Variants in CES1 observed in about 807,000 individuals in gnomAD.
The protein encoded by CES1 is carboxylesterase 1, also known as liver carboxylesterase 1.
CES1 carries 50 observed loss-of-function variants against 53.0 expected under a neutral mutation model. That is an observed-to-expected ratio of 0.94 (90% CI 0.75 to 1.19). The LOEUF is 1.19. Ranked by LOEUF, CES1 falls within the 50% of genes most tolerant of loss-of-function variation. The pLI is 0.00. For missense variants in CES1, 534 were observed against 538.0 expected, an observed-to-expected ratio of 0.99 and a Z score of 0.07; for synonymous variants, 202 against 210.1, an observed-to-expected ratio of 0.96 and a Z score of 0.33.
At chr16:55,810,886 C>G in intron 10 of CES1, 41 bp downstream of exon 10, 1 of 1,570,404 alleles carries the variant, frequency 6.4e-7, no homozygotes. Flanking sequence ...CCTTGTCCCT[C>G]TCTGGGTCTC....
intron 8 of CES1, among the ~76,000 whole-genome samples, chr16:55,813,373 T>C (rs1366860023): frequency 6.6e-6 from 1 of 152,162 alleles, no homozygotes; most frequent in African/African-American, 2.4e-5. Flanking sequence ...TGATTTTCGG[T>C]AGTCCTGGCA....
intron 3 of CES1, among the ~76,000 whole-genome samples, chr16:55,824,516 A>G (rs1833248): frequency 0.027 from 4,173 of 152,008 alleles, 14 homozygotes; most frequent in South Asian, 0.1. Flanking sequence ...GGTAGGTACT[A>G]ATAATGTCCC....
At chr16:55,830,605 C>T (rs62028648) in intron 1 of CES1, among the ~76,000 whole-genome samples, 70,721 of 151,132 alleles carry the variant, frequency 0.47, 19,021 homozygotes, top group Non-Finnish European at 0.61. Flanking sequence ...GAGTTCAAGA[C>T]CAGCCTGGCC....
intron 8 of CES1, among the ~76,000 whole-genome samples, chr16:55,813,540 G>C (rs1360777329): frequency 1.3e-5 from 2 of 152,078 alleles, no homozygotes; most frequent in African/African-American, 2.4e-5. Context: ...GACTTCCACG[G>C]CTCCATCCCA....
rs1192943934 is a variant in CES1, at chr16:55,820,379, A to G, written c.794T>C (p.Leu265Ser). The change falls in exon 6 of 14, where the codon TTG becomes TCG. Residue 265 changes from leucine to serine, a missense_variant. Coordinates refer to ENST00000360526, the MANE Select transcript of CES1 (RefSeq NM_001025195.2). ...VLVKKGDVKPLAEQIAITAGC... is the reference protein window; with the variant it reads ...VLVKKGDVKPSAEQIAITAGC... ...TACCAGCCGGAGACCTACCTCAGCC[A>G]AGGGCTTGACATCACCTTTCTTCAC... 1 of 1,578,094 alleles carries G rather than the reference A, an allele frequency of 6.3e-7. No individual in the cohort carries two copies. Among genetic ancestry groups the G allele is most frequent in the South Asian group, 1.1e-5 (1 of 88,960 alleles).
chr16:55,817,074 G>T (rs548046328), intron 7 of CES1, 112 bp from the exon 8 acceptor site: 2 of 1,165,182 alleles, frequency 1.7e-6, no homozygotes, highest in African/African-American at 3.1e-5. Context: ...CCGTGAATTC[G>T]TATATCTATA....
In CES1 at chr16:55,821,479, G is replaced by A. The variant is rs371667789; in HGVS notation, c.582C>T (p.Asp194=). The A allele has an allele frequency of 1.9e-5, 31 of 1,614,086 alleles. No homozygotes were observed. Among genetic ancestry groups the A allele is most frequent in the Non-Finnish European group, 2.6e-5 (31 of 1,180,050 alleles). ...GGACCCAGCGCAGGGCAGCCACCTG[G>A]TCCAGGTGACCCCAGTTCCCCCGGC... ...EHSRGNWGHL[D]QVAALRWVQD... Residue 194 remains aspartate (D), a synonymous_variant, in exon 5 of 14, where the codon GAC becomes GAT. Coordinates refer to ENST00000360526, the MANE Select transcript of CES1 (RefSeq NM_001025195.2).
intron 11 of CES1, among the ~76,000 whole-genome samples, chr16:55,809,304 T>C (rs1252170077): frequency 5.9e-5 from 9 of 152,206 alleles, no homozygotes; most frequent in African/African-American, 2.2e-4. Context: ...TGTGAAGAAA[T>C]GAGGGTTATG....
At chr16:55,826,393 T>G in intron 2 of CES1, 98 bp from the exon 3 acceptor site, 1 of 1,426,996 alleles carries the variant, frequency 7.0e-7, no homozygotes, top group Non-Finnish European at 9.9e-7. Context: ...AGCCTGGAAA[T>G]GGACTTGATA....
chr16:55,823,361 C>A (rs558415945), intron 4 of CES1, among the ~76,000 whole-genome samples, 189 bp downstream of exon 4: 1 of 152,182 alleles, frequency 6.6e-6, no homozygotes, highest in African/African-American at 2.4e-5. Context: ...ACAGCACATG[C>A]AAAAGCTCAG....
chr16:55,827,707 T>C (rs1284035979), intron 2 of CES1, among the ~76,000 whole-genome samples: 2 of 152,206 alleles, frequency 1.3e-5, no homozygotes, highest in African/African-American at 2.4e-5. Context: ...CCCAATGTAA[T>C]GCAGCTTTTA....
rs530085291 is a variant in CES1 at position 55,825,576 on chromosome 16, C to T, written c.405+575G>A. On this transcript the variant is annotated intron_variant, in intron 3 of 13. Transcript: ENST00000360526. The stretch of plus-strand genomic sequence containing the variant: ...AAGAGCTTCTGGGATTGTCCAGGCT[C>T]CGCCCCCAACATCCGTACCTGGACA... Among the ~76,000 whole-genome samples the T allele has an allele frequency of 2.6e-5, 4 of 152,382 alleles. No homozygotes were observed. In the South Asian group the frequency reaches 8.3e-4, roughly 32 times the overall value.
intron 1 of CES1, among the ~76,000 whole-genome samples, chr16:55,832,742 T>C (rs1356050230): frequency 6.6e-6 from 1 of 152,232 alleles, no homozygotes; most frequent in Non-Finnish European, 1.5e-5. Flanking sequence ...TTCTCGTGTG[T>C]GCGGCCTGAG....
intron 1 of CES1, among the ~76,000 whole-genome samples, chr16:55,830,821 GGC>G (rs2032630555): frequency 7.5e-6 from 1 of 133,470 alleles, no homozygotes; most frequent in Non-Finnish European, 1.6e-5. Context: ...AAGGAAGGAA[GGC>G]AGGCAGGCAG....
At chr16:55,816,263 C>T (rs1340354441) in intron 8 of CES1, among the ~76,000 whole-genome samples, 1 of 152,208 alleles carries the variant, frequency 6.6e-6, no homozygotes, top group African/African-American at 2.4e-5. Flanking sequence ...TCTTTTTTCA[C>T]TGTTATATCC....
At chr16:55,823,387 T>A in intron 4 of CES1, among the ~76,000 whole-genome samples, 163 bp downstream of exon 4, 1 of 151,294 alleles carries the variant, frequency 6.6e-6, no homozygotes, top group East Asian at 1.9e-4. Flanking sequence ...AGTGGATGAG[T>A]GGCTGGGTAG....
intron 5 of CES1, among the ~76,000 whole-genome samples, 198 bp downstream of exon 5, chr16:55,821,170 G>A (rs2032172755): frequency 6.6e-6 from 1 of 152,102 alleles, no homozygotes; most frequent in African/African-American, 2.4e-5. Flanking sequence ...AGGACACTAA[G>A]CTGAGCTCTG....
At position 55,813,102 on chromosome 16, in the gene CES1, A is replaced by T. The variant is rs530305153; in HGVS notation, c.946-59T>A. The T allele has an allele frequency of 7.5e-6, 12 of 1,608,486 alleles. No individual in the cohort carries two copies. In the African/African-American group the frequency reaches 1.6e-4, roughly 22 times the overall value. ...CTCCCTAGTCACACCCATGTCCCCAACTCTGCCTGTCTGAGGGTGAGACCA... is the reference window on the plus strand; with the variant it reads ...CTCCCTAGTCACACCCATGTCCCCATCTCTGCCTGTCTGAGGGTGAGACCA... On this transcript the variant is annotated intron_variant, in intron 8 of 13. Transcript: ENST00000360526.
chr16:55,830,816 A>AG, intron 1 of CES1, among the ~76,000 whole-genome samples: 1 of 147,350 alleles, frequency 6.8e-6, no homozygotes, highest in African/African-American at 2.6e-5. Flanking sequence ...GAAGGAAGGA[A>AG]GGAAGGCAGG....
Sources: gnomAD v4.1 joint callset for allele counts (sites outside exome capture counted in the v4.1 genomes callset) on GRCh38, gnomAD v4.1.1 for gene constraint, MANE v1.5 for transcripts, NCBI Gene and HGNC (gene_info 2026-07-23, HGNC 2026-07-21) for gene names.